MCTP2: variants seen among roughly 807,000 people sequenced by gnomAD.
The protein encoded by MCTP2 is multiple C2 and transmembrane domain-containing protein 2.
MCTP2 carries 132 observed loss-of-function variants against 111.6 expected under a neutral mutation model. The ratio of observed to expected loss-of-function variants is 1.18; its 90% CI spans 1.03 to 1.37. MCTP2 has a LOEUF of 1.37. MCTP2 is among the 40% of genes most tolerant of loss of function. The pLI, the probability that MCTP2 is intolerant of heterozygous loss-of-function variation, is 0.00. For missense variants in MCTP2, 1,183 were observed against 1,067.9 expected (o/e 1.11, Z -1.50); for synonymous variants, 395 against 387.7 (o/e 1.02, Z -0.22).
intron 1 of MCTP2, among the ~76,000 whole-genome samples, chr15:94,280,260 T>A (rs1422606869): frequency 1.3e-5 from 2 of 151,994 alleles, no homozygotes; most frequent in Non-Finnish European, 2.9e-5. Flanking sequence ...ATTTTTTTTA[T>A]TTTTTATTAG....
intron 18 of MCTP2, among the ~76,000 whole-genome samples, chr15:94,442,446 C>G (rs1005215927): frequency 6.6e-6 from 1 of 152,162 alleles, no homozygotes; most frequent in African/African-American, 2.4e-5. Flanking sequence ...CACAGAGAAA[C>G]CTGTAACTTA....
intron 17 of MCTP2, among the ~76,000 whole-genome samples, chr15:94,408,394 A>G (rs2082001992): frequency 6.6e-6 from 1 of 152,254 alleles, no homozygotes; most frequent in South Asian, 2.1e-4. Flanking sequence ...AGGTATATTC[A>G]ATGCTTAAAA....
intron 4 of MCTP2, among the ~76,000 whole-genome samples, chr15:94,336,347 C>T (rs1475151704): frequency 6.6e-6 from 1 of 152,284 alleles, no homozygotes; most frequent in African/African-American, 2.4e-5. Flanking sequence ...CATCTTCATT[C>T]CCAGGTTCAC....
At chr15:94,309,823 A>G (rs2076045815) in intron 2 of MCTP2, among the ~76,000 whole-genome samples, 1 of 152,244 alleles carries the variant, frequency 6.6e-6, no homozygotes, top group African/African-American at 2.4e-5. Context: ...GAATGGAAAT[A>G]TCAATGCAAA....
chr15:94,476,739 C>T lies in MCTP2; in HGVS notation c.2514C>T (p.Ile838=), dbSNP rs151286458. 5.1e-5 allele frequency: 82 copies of T among 1,609,450 alleles called. No individual in the cohort carries two copies. The highest frequency in any genetic ancestry group is 4.9e-4 in the Middle Eastern group (3 of 6,068). Residue 838 remains isoleucine (I), a synonymous_variant, in exon 22 of 23, where the codon ATC becomes ATT. Coordinates refer to ENST00000357742, the MANE Select transcript of MCTP2 (RefSeq NM_001385001.1). ...AGAAGCTTCGAAATCCCTATTCCAT[C>T]GACAATAATGAGCTACTAGACTTCC... ...FTKKLRNPYS[I]DNNELLDFLS...
chr15:94,318,287 T>A (rs975618613), intron 4 of MCTP2, among the ~76,000 whole-genome samples: 39 of 8,108 alleles, frequency 4.8e-3, no homozygotes, highest in Non-Finnish European at 9.5e-3. Context: ...TTTTTTTTTT[T>A]TTTTTTTTTT....
At chr15:94,436,089 G>A (rs1208244426) in intron 17 of MCTP2, among the ~76,000 whole-genome samples, 1 of 152,134 alleles carries the variant, frequency 6.6e-6, no homozygotes, top group Non-Finnish European at 1.5e-5. Context: ...TTCACATACT[G>A]AATGTGGGGT....
intron 4 of MCTP2, among the ~76,000 whole-genome samples, chr15:94,337,684 T>TGTGTGC (rs1555454990): frequency 2.6e-5 from 4 of 151,912 alleles, no homozygotes; most frequent in African/African-American, 9.6e-5. Flanking sequence ...TGTGTGTGTG[T>TGTGTGC]GCGCGCGCAT....
intron 1 of MCTP2, among the ~76,000 whole-genome samples, chr15:94,250,167 C>T (rs1050532610): frequency 7.9e-5 from 12 of 152,050 alleles, no homozygotes; most frequent in Non-Finnish European, 1.2e-4. Context: ...AATTATTTTC[C>T]AGGTGACTAC....
chr15:94,388,744 C>T (rs1314824751), intron 14 of MCTP2, among the ~76,000 whole-genome samples: 1 of 152,246 alleles, frequency 6.6e-6, no homozygotes, highest in East Asian at 1.9e-4. Flanking sequence ...CTGGATGAGG[C>T]AGCCTTTATT....
At chr15:94,365,180 T>G (rs1567536652) in intron 10 of MCTP2, among the ~76,000 whole-genome samples, 1 of 152,208 alleles carries the variant, frequency 6.6e-6, no homozygotes, top group East Asian at 1.9e-4. Flanking sequence ...TGCTAATATA[T>G]CAGTTTAACT....
intron 4 of MCTP2, among the ~76,000 whole-genome samples, chr15:94,337,286 C>T (rs111570695): frequency 1.3e-5 from 2 of 152,164 alleles, no homozygotes; most frequent in South Asian, 2.1e-4. Flanking sequence ...ACGCAACTGC[C>T]GCCATTCACC....
intron 17 of MCTP2, among the ~76,000 whole-genome samples, chr15:94,405,108 G>A (rs1408312826): frequency 6.6e-6 from 1 of 152,198 alleles, no homozygotes; most frequent in Non-Finnish European, 1.5e-5. Flanking sequence ...TGTGATAGTT[G>A]AGGGTTTGCT....
chr15:94,250,179 T>C (rs1264536409), intron 1 of MCTP2, among the ~76,000 whole-genome samples: 1 of 152,218 alleles, frequency 6.6e-6, no homozygotes, highest in African/African-American at 2.4e-5. Context: ...GGTGACTACA[T>C]AGCATTGGAG....
chr15:94,268,083 G>T (rs771455582), intron 1 of MCTP2, among the ~76,000 whole-genome samples: 6 of 151,040 alleles, frequency 4.0e-5, no homozygotes, highest in Non-Finnish European at 8.8e-5. Flanking sequence ...AGCCAGGATG[G>T]TCTCAATCTC....
rs762650359 is a variant in MCTP2, at chr15:94,236,895, G to A, written c.-66+5231G>A. Among the ~76,000 whole-genome samples, 9 of 152,242 alleles carry A rather than the reference G, an allele frequency of 5.9e-5. No homozygotes were observed. In the South Asian group the frequency reaches 1.0e-3, roughly 18 times the overall value. Reference sequence around the variant, plus strand: ...TAAGGCCTTAGGGAAGTGGAGGTGCGGCAGGATTTGAGAGATAACTAGGAA... The same window carrying A: ...TAAGGCCTTAGGGAAGTGGAGGTGCAGCAGGATTTGAGAGATAACTAGGAA... On this transcript the variant is annotated intron_variant, in intron 1 of 22. Coordinates refer to ENST00000357742, the MANE Select transcript of MCTP2 (RefSeq NM_001385001.1).
chr15:94,325,072 T>C (rs2076796619), intron 4 of MCTP2, among the ~76,000 whole-genome samples: 1 of 152,222 alleles, frequency 6.6e-6, no homozygotes, highest in Admixed American at 6.5e-5. Flanking sequence ...TGCTGTGCCC[T>C]ACAGACATCA....
intron 1 of MCTP2, among the ~76,000 whole-genome samples, chr15:94,267,869 C>CTTTTGTTTTTTTTTTT (rs2073640744): frequency 1.3e-5 from 1 of 77,454 alleles, no homozygotes. Context: ...CCTTTTCTTT[C>CTTTTGTTTTTTTTTTT]TTTTTTTTTT....
rs746941557 is a variant in MCTP2, at chr15:94,384,064, G to A, written c.1625G>A (p.Arg542Gln). The A allele has an allele frequency of 8.1e-5, 130 of 1,613,780 alleles. 1 individual carries two copies. The highest frequency in any genetic ancestry group is 3.7e-4 in the South Asian group (34 of 91,068). Residue 542 changes from arginine to glutamine, a missense_variant, in exon 13 of 23, where the codon CGA becomes CAA. Coordinates refer to ENST00000357742, the MANE Select transcript of MCTP2 (RefSeq NM_001385001.1). ...TGCTTGTTGGAGTTAGGCAATGACC[G>A]ACTTCAGACGCATACCGTCTACAAA... ...PFCLLELGND[R>Q]LQTHTVYKNL...
Sources: allele counts gnomAD v4.1 joint callset (sites outside exome capture counted in the v4.1 genomes callset), GRCh38; gene constraint gnomAD v4.1.1; transcripts MANE v1.5; gene names NCBI Gene and HGNC (gene_info 2026-07-23, HGNC 2026-07-21).